The following UST variants were observed in gnomAD, a reference collection of about 807,000 sequenced individuals.
UST encodes the protein chondroitin sulfate 2-O-sulfotransferase.
A neutral mutation model predicts 45.6 loss-of-function variants in UST; 21 were observed. That is an observed-to-expected ratio of 0.46 (90% CI 0.33 to 0.66). The LOEUF (loss-of-function observed/expected upper bound fraction) is 0.66. UST is among the 30% of genes least tolerant of loss of function. The pLI, the probability that UST is intolerant of heterozygous loss-of-function variation, is 0.02. For missense variants in UST, 463 were observed against 512.4 expected (o/e 0.90, Z 0.93); for synonymous variants, 215 against 200.6 (o/e 1.07, Z -0.61).
chr6:148,796,789 T>G (rs1776957656), intron 1 of UST, among the ~76,000 whole-genome samples: 1 of 144,634 alleles, frequency 6.9e-6, no homozygotes, highest in Non-Finnish European at 1.5e-5. Flanking sequence ...CAACTTTCTC[T>G]GATAATTCTT....
intron 1 of UST, among the ~76,000 whole-genome samples, chr6:148,879,179 C>T (rs1778779037): frequency 6.6e-6 from 1 of 152,138 alleles, no homozygotes; most frequent in Admixed American, 6.5e-5. Context: ...TAGGCCTGGC[C>T]CTTTACAATT....
chr6:148,799,923 C>T (rs867919983), intron 1 of UST, among the ~76,000 whole-genome samples: 3 of 152,196 alleles, frequency 2.0e-5, no homozygotes, highest in Non-Finnish European at 4.4e-5. Flanking sequence ...CTCACTCCCT[C>T]TCGCCCTCTT....
intron 2 of UST, among the ~76,000 whole-genome samples, chr6:148,912,310 T>G (rs1021339430): frequency 4.6e-5 from 7 of 152,278 alleles, no homozygotes; most frequent in African/African-American, 1.2e-4. Flanking sequence ...AGTGAAAGTT[T>G]CAATCCATGA....
rs1034239225 is a variant in UST, at chr6:148,941,501, C to T, written c.447+67C>T. The T allele has an allele frequency of 2.0e-6, 3 of 1,495,872 alleles. No homozygotes were observed. In the African/African-American group the frequency reaches 4.2e-5, roughly 21 times the overall value. The allele number at this position is 1,495,872 out of a possible 1,614,324, so 92.7% of individuals were successfully genotyped here. A position where few individuals can be genotyped will look rare whatever the true frequency, so the allele number is the denominator to read the frequency against. On this transcript the variant is annotated intron_variant, in intron 3 of 7. Transcript: ENST00000367463. ...GCTCATTTGTGTAACTAGTGGGTGC[C>T]TTACAGGTCATCCTTCAGACTCCTG...
At chr6:148,961,383 C>T (rs1780654445) in intron 4 of UST, among the ~76,000 whole-genome samples, 1 of 152,154 alleles carries the variant, frequency 6.6e-6, no homozygotes, top group Non-Finnish European at 1.5e-5. Context: ...TACTTAGAAC[C>T]TGTGATCAGC....
At chr6:149,037,174 G>A (rs1776250650) in intron 7 of UST, among the ~76,000 whole-genome samples, 1 of 152,150 alleles carries the variant, frequency 6.6e-6, no homozygotes, top group African/African-American at 2.4e-5. Flanking sequence ...GTGAAGGCTC[G>A]TCTGCCGCAG....
At position 149,021,424 on chromosome 6, in the gene UST, C is replaced by T. The variant is rs747023652; in HGVS notation, c.880C>T (p.Leu294=). ...LEELEDVLLL[L]ERFLPHYFKG... ...AGAGTTGGAAGATGTGCTGCTGTTA[C>T]TGGAAAGATTTTTACCTCATTACTT... The change falls in exon 7 of 8, where the codon CTG becomes TTG. Residue 294 remains leucine (L), a synonymous_variant. Transcript: ENST00000367463. 2.5e-6 allele frequency: 4 copies of T among 1,614,176 alleles called. No individual in the cohort carries two copies. Among genetic ancestry groups the T allele is most frequent in the Non-Finnish European group, 3.4e-6 (4 of 1,180,040 alleles).
chr6:148,967,423 T>C (rs1214035281), intron 5 of UST, among the ~76,000 whole-genome samples: 1 of 152,190 alleles, frequency 6.6e-6, no homozygotes, highest in Non-Finnish European at 1.5e-5. Flanking sequence ...GCTGTCTTCT[T>C]GTTCAAAGGA....
intron 1 of UST, among the ~76,000 whole-genome samples, chr6:148,780,230 C>T (rs534779263): frequency 2.6e-5 from 4 of 152,064 alleles, no homozygotes; most frequent in East Asian, 1.9e-4. Flanking sequence ...ATGGAAGATT[C>T]GTGGCAAACT....
At chr6:148,862,457 C>A (rs1006073293) in intron 1 of UST, among the ~76,000 whole-genome samples, 11 of 152,162 alleles carry the variant, frequency 7.2e-5, no homozygotes, top group Non-Finnish European at 1.3e-4. Context: ...ATCCAATTTG[C>A]CAGTCTGTGT....
In UST at chr6:148,751,170, C is replaced by T. The variant is rs544423745; in HGVS notation, c.247+3493C>T. On this transcript the variant is annotated intron_variant, in intron 1 of 7. Coordinates refer to ENST00000367463, the MANE Select transcript of UST (RefSeq NM_005715.3). The stretch of plus-strand genomic sequence containing the variant: ...TTTGAGAGAAAGGAGGAATGTGAGG[C>T]GGGGTGGGTAGATTTATAAAGTATT... Among the ~76,000 whole-genome samples, 9 of 152,176 alleles carry T rather than the reference C, an allele frequency of 5.9e-5. No homozygotes were observed. In the South Asian group the frequency reaches 1.2e-3, roughly 21 times the overall value.
At chr6:148,815,925 A>G (rs796138209) in intron 1 of UST, among the ~76,000 whole-genome samples, 6 of 152,294 alleles carry the variant, frequency 3.9e-5, no homozygotes, top group African/African-American at 1.4e-4. Context: ...TCTTTTCATT[A>G]TACTCAGCTT....
At chr6:148,839,537 A>T (rs1359607480) in intron 1 of UST, among the ~76,000 whole-genome samples, 1 of 152,238 alleles carries the variant, frequency 6.6e-6, no homozygotes, top group East Asian at 1.9e-4. Context: ...ATGATTTCAT[A>T]GGGCTGAGGT....
At chr6:148,803,496 A>G (rs554918951) in intron 1 of UST, among the ~76,000 whole-genome samples, 16 of 152,170 alleles carry the variant, frequency 1.1e-4, no homozygotes, top group Non-Finnish European at 2.4e-4. Flanking sequence ...CAACTCCTCT[A>G]TTAACACCAT....
At chr6:148,883,758 A>T (rs1199055840) in intron 1 of UST, among the ~76,000 whole-genome samples, 1 of 152,220 alleles carries the variant, frequency 6.6e-6, no homozygotes, top group Admixed American at 6.5e-5. Context: ...ATAAATTATG[A>T]GATGGACTTC....
chr6:148,833,402 G>A (rs950504278), intron 1 of UST, among the ~76,000 whole-genome samples: 1 of 152,152 alleles, frequency 6.6e-6, no homozygotes, highest in Non-Finnish European at 1.5e-5. Flanking sequence ...TGGGAGGATC[G>A]CTTGAGCCCC....
intron 7 of UST, among the ~76,000 whole-genome samples, chr6:149,032,352 C>G (rs1214020934): frequency 6.6e-6 from 1 of 152,178 alleles, no homozygotes; most frequent in Non-Finnish European, 1.5e-5. Context: ...CCCAGTCTTC[C>G]CCACTAAGAT....
rs1317545860 is a variant in UST at position 148,748,062 on chromosome 6, C to G, written c.247+385C>G. Among the ~76,000 whole-genome samples the G allele has an allele frequency of 6.6e-6, 1 of 151,966 alleles. No individual in the cohort carries two copies. The highest frequency in any genetic ancestry group is 1.9e-4 in the East Asian group (1 of 5,164). ...GGGAGTGGCGAAGGGAAGGGAAGGT[C>G]CTCTTCGTTGCATTGTTAGTGACCG... On this transcript the variant is annotated intron_variant, in intron 1 of 7. Coordinates refer to ENST00000367463, the MANE Select transcript of UST (RefSeq NM_005715.3). This position sits in a 1 kb window ranked among gnomAD's most constrained non-coding sequence, Gnocchi z 5.3.
chr6:148,882,608 A>C (rs1663339536), intron 1 of UST, among the ~76,000 whole-genome samples: 1 of 151,956 alleles, frequency 6.6e-6, no homozygotes, highest in Non-Finnish European at 1.5e-5. Context: ...AGAAAGAAAG[A>C]AGGAAGGGGA....
Sources: gnomAD v4.1 joint callset for allele counts (sites outside exome capture counted in the v4.1 genomes callset) on GRCh38, gnomAD v4.1.1 for gene constraint, Gnocchi (gnomAD v3.1) non-coding constraint, MANE v1.5 for transcripts, NCBI Gene and HGNC (gene_info 2026-07-23, HGNC 2026-07-21) for gene names.